RAP1GAP2: variants seen among roughly 807,000 people sequenced by gnomAD.
The protein encoded by RAP1GAP2 is rap1 GTPase-activating protein 2.
A neutral mutation model predicts 95.0 loss-of-function variants in RAP1GAP2; 27 were observed. The observed-to-expected ratio is 0.28, with a 90% CI of 0.21 to 0.39. The LOEUF (loss-of-function observed/expected upper bound fraction) is 0.39. Among genes scored for constraint, RAP1GAP2 ranks in the 10% least tolerant of loss-of-function variants. The pLI is 1.00. For synonymous variants in RAP1GAP2, 373 were observed against 380.9 expected (o/e 0.98, Z 0.24); for missense variants, 771 against 970.0 (o/e 0.79, Z 2.72).
chr17:2,916,836 C>G (rs543017364), intron 3 of RAP1GAP2, among the ~76,000 whole-genome samples: 1 of 152,330 alleles, frequency 6.6e-6, no homozygotes, highest in East Asian at 1.9e-4. Context: ...CCCAGAGTAG[C>G]TGGCTCATCA....
At chr17:2,878,997 CTCAGT>C (rs2073193407) in intron 2 of RAP1GAP2, among the ~76,000 whole-genome samples, 1 of 152,172 alleles carries the variant, frequency 6.6e-6, no homozygotes, top group African/African-American at 2.4e-5. Context: ...CTGGCCAGTG[CTCAGT>C]GAGGTTCTGT....
intron 16 of RAP1GAP2, 24 bp from the exon 17 acceptor site, chr17:3,007,987 C>T (rs2046388287): frequency 6.2e-7 from 1 of 1,610,030 alleles, no homozygotes; most frequent in Non-Finnish European, 8.5e-7. Context: ...CCAGCTTCTC[C>T]ATCCCCACCC....
At chr17:3,017,934 T>TGTGG in intron 17 of RAP1GAP2, 127 bp from the exon 18 acceptor site, 1 of 802,624 alleles carries the variant, frequency 1.2e-6, no homozygotes, top group Non-Finnish European at 1.9e-6. Context: ...TGTGTGTGTG[T>TGTGG]GTGTGTGTGT....
intron 2 of RAP1GAP2, among the ~76,000 whole-genome samples, chr17:2,824,740 C>CAAAAAA (rs940171590): frequency 1.3e-3 from 71 of 55,994 alleles, no homozygotes; most frequent in Non-Finnish European, 2.1e-3. Context: ...AACTCTGTCT[C>CAAAAAA]AAAAAAAAAA....
chr17:2,957,439 G>A (rs1297556264), intron 3 of RAP1GAP2, among the ~76,000 whole-genome samples: 2 of 152,226 alleles, frequency 1.3e-5, no homozygotes, highest in Admixed American at 1.3e-4. Context: ...GCTGAATGCC[G>A]AGGACGATAG....
chr17:2,801,849 C>T (rs2069315064), intron 2 of RAP1GAP2, among the ~76,000 whole-genome samples: 1 of 152,118 alleles, frequency 6.6e-6, no homozygotes, highest in African/African-American at 2.4e-5. Flanking sequence ...CTTCCCTCAC[C>T]ACCTTCATTC....
intron 2 of RAP1GAP2, among the ~76,000 whole-genome samples, chr17:2,885,608 C>T (rs147864323): frequency 1.2e-4 from 18 of 152,202 alleles, no homozygotes; most frequent in South Asian, 2.1e-4. Context: ...GGCAGCTCCT[C>T]GCATCCCACC....
At chr17:2,838,407 T>A (rs1597407551) in intron 2 of RAP1GAP2, among the ~76,000 whole-genome samples, 6 of 151,232 alleles carry the variant, frequency 4.0e-5, no homozygotes, top group Admixed American at 4.0e-4. Flanking sequence ...ACCCAGGGGG[T>A]GGTGTGTGCT....
intron 12 of RAP1GAP2, among the ~76,000 whole-genome samples, chr17:2,993,322 C>T (rs113481224): frequency 0.013 from 2,028 of 151,998 alleles, 50 homozygotes; most frequent in African/African-American, 0.046. Flanking sequence ...GCCTATAACC[C>T]CAGCACTTTG....
At chr17:2,969,403 G>A (rs2044755739) in intron 8 of RAP1GAP2, among the ~76,000 whole-genome samples, 1 of 147,894 alleles carries the variant, frequency 6.8e-6, no homozygotes, top group African/African-American at 2.5e-5. Context: ...CCAAAACCTA[G>A]ACTTCTAGGC....
Position 2,921,200 on chromosome 17 carries a change from CT to C in RAP1GAP2, c.165+15842del, listed in dbSNP as rs1051708304. Among the ~76,000 whole-genome samples the C allele has an allele frequency of 3.4e-5, 5 of 145,964 alleles. No homozygotes were observed. The East Asian group carries it at 8.1e-4, about 24-fold the overall frequency. On this transcript the variant is annotated intron_variant, in intron 3 of 24. Coordinates refer to ENST00000254695, the MANE Select transcript of RAP1GAP2 (RefSeq NM_015085.5). ...TAAAAGGATAAAAGGAATTTCTTAT[CT>C]TTTTTTTTTCTTTTTTGAGACAGAG... is the stretch of plus-strand genomic sequence containing the variant.
rs1199584723 is a variant in RAP1GAP2 at position 2,904,174 on chromosome 17, T to C, written c.81-1110T>C. Among the ~76,000 whole-genome samples, 2 of 152,074 alleles carry C rather than the reference T, an allele frequency of 1.3e-5. No homozygotes were observed. Among genetic ancestry groups the C allele is most frequent in the African/African-American group, 4.8e-5 (2 of 41,414 alleles). ...TAATACGGTTCTCCCAGCCCCCTCG[T>C]CCCCTCCTGGGTACAGCCAGAGCTT... On this transcript the variant is annotated intron_variant, in intron 2 of 24. Coordinates refer to ENST00000254695, the MANE Select transcript of RAP1GAP2 (RefSeq NM_015085.5). The surrounding 1 kb of genome is among the most constrained non-coding windows in gnomAD (Gnocchi z 4.7).
intron 19 of RAP1GAP2, among the ~76,000 whole-genome samples, chr17:3,023,404 T>C (rs977226687): frequency 6.6e-6 from 1 of 152,154 alleles, no homozygotes; most frequent in Non-Finnish European, 1.5e-5. Flanking sequence ...AAGTTCACAG[T>C]CTTGTAAGGG....
At chr17:2,799,722 T>C (rs899330360) in intron 1 of RAP1GAP2, among the ~76,000 whole-genome samples, 11 of 152,140 alleles carry the variant, frequency 7.2e-5, no homozygotes, top group African/African-American at 2.7e-4. Flanking sequence ...TCACGACCCT[T>C]CCACAAGAGG....
At chr17:2,925,131 C>T (rs1426995772) in intron 3 of RAP1GAP2, among the ~76,000 whole-genome samples, 15 of 152,140 alleles carry the variant, frequency 9.9e-5, no homozygotes, top group Non-Finnish European at 1.5e-5. Context: ...GTCTGCTTGG[C>T]CTCGTGCTTG....
chr17:2,879,061 C>T (rs1233487530), intron 2 of RAP1GAP2, among the ~76,000 whole-genome samples: 1 of 151,682 alleles, frequency 6.6e-6, no homozygotes, highest in African/African-American at 2.4e-5. Context: ...GCCTTGCCTC[C>T]TCCTTCCTGC....
chr17:2,780,188 T>C (rs147737252), intron 1 of RAP1GAP2, among the ~76,000 whole-genome samples: 1,817 of 152,238 alleles, frequency 0.012, 39 homozygotes, highest in African/African-American at 0.041. Context: ...GTTGCTGGGA[T>C]TACAGGCGTG....
chr17:2,902,319 C>T lies in RAP1GAP2; in HGVS notation c.81-2965C>T, dbSNP rs1314276661. Among the ~76,000 whole-genome samples the T allele has an allele frequency of 3.3e-5, 5 of 151,990 alleles. No individual in the cohort carries two copies. The highest frequency in any genetic ancestry group is 7.4e-5 in the Non-Finnish European group (5 of 68,004). On this transcript the variant is annotated intron_variant, in intron 2 of 24. Transcript: ENST00000254695. This position sits in a 1 kb window ranked among gnomAD's most constrained non-coding sequence, Gnocchi z 4.1. ...GCAACCTCCACCTCTTGGGTTCAAG[C>T]GATTCTCTTGCCTCAGCCTCCCAAG...
intron 17 of RAP1GAP2, among the ~76,000 whole-genome samples, chr17:3,011,236 C>T (rs879750252): frequency 2.0e-5 from 3 of 151,968 alleles, no homozygotes; most frequent in Admixed American, 1.3e-4. Context: ...CCATTTGTGA[C>T]CAGCTTTTTT....
Sources: allele counts gnomAD v4.1 joint callset (sites outside exome capture counted in the v4.1 genomes callset), GRCh38; gene constraint gnomAD v4.1.1; non-coding constraint Gnocchi (gnomAD v3.1); transcripts MANE v1.5; gene names NCBI Gene and HGNC (gene_info 2026-07-23, HGNC 2026-07-21).